BCAS3: variants seen among roughly 807,000 people sequenced by gnomAD.
BCAS3 encodes BCAS4/BCAS3 fusion.
A neutral mutation model predicts 116.1 loss-of-function variants in BCAS3; 53 were observed. The observed-to-expected ratio is 0.46, with a 90% CI of 0.37 to 0.57. The LOEUF (loss-of-function observed/expected upper bound fraction) is 0.57. BCAS3 is among the 20% of genes least tolerant of loss of function. BCAS3 has a pLI of 0.00. For missense variants in BCAS3, 917 were observed against 1,165.4 expected, an observed-to-expected ratio of 0.79 and a Z score of 3.10; for synonymous variants, 391 against 408.2, an observed-to-expected ratio of 0.96 and a Z score of 0.51.
chr17:61,191,654 A>G (rs897069806), intron 22 of BCAS3, among the ~76,000 whole-genome samples: 4 of 152,018 alleles, frequency 2.6e-5, no homozygotes, highest in Non-Finnish European at 4.4e-5. Context: ...GGGCGCCTAT[A>G]GTCCCAGCTA....
At chr17:60,744,107 C>CT (rs2041831902) in intron 5 of BCAS3, among the ~76,000 whole-genome samples, 1 of 152,210 alleles carries the variant, frequency 6.6e-6, no homozygotes, top group Non-Finnish European at 1.5e-5. Context: ...GTTGGAGAGG[C>CT]TTTCTCCCTG....
At chr17:61,212,603 A>C (rs976087318) in intron 22 of BCAS3, among the ~76,000 whole-genome samples, 2 of 151,672 alleles carry the variant, frequency 1.3e-5, no homozygotes, top group Non-Finnish European at 2.9e-5. Flanking sequence ...TAACATATAC[A>C]TGTATAAAGA....
At chr17:61,057,205 G>A (rs1345671799) in intron 19 of BCAS3, among the ~76,000 whole-genome samples, 2 of 152,118 alleles carry the variant, frequency 1.3e-5, no homozygotes, top group African/African-American at 4.8e-5. Flanking sequence ...GTGTTAAAAG[G>A]TGTGTTCTAC....
At chr17:60,849,879 A>G (rs1028461469) in intron 7 of BCAS3, among the ~76,000 whole-genome samples, 1 of 151,906 alleles carries the variant, frequency 6.6e-6, no homozygotes, top group Admixed American at 6.6e-5. Flanking sequence ...TTCTGCCTCA[A>G]CCTCCCAAGT....
At position 60,747,252 on chromosome 17, in the gene BCAS3, G is replaced by T. The variant is rs2042084577; in HGVS notation, c.376G>T (p.Ala126Ser). The T allele has an allele frequency of 6.2e-7, 1 of 1,613,160 alleles. No homozygotes were observed. The highest frequency in any genetic ancestry group is 8.5e-7 in the Non-Finnish European group (1 of 1,179,230). The change falls in exon 6 of 24, where the codon GCT becomes TCT. Residue 126 changes from alanine (A) to serine (S), a missense_variant. Around this residue, in one of 3 missense-constraint regions of BCAS3, gnomAD observed 807 missense variants for 1,026.0 expected, o/e 0.79. Coordinates refer to ENST00000407086, the MANE Select transcript of BCAS3 (RefSeq NM_017679.5). ...TGTTCGACATGGCCCAATTCGAGCG[G>T]CTAGAATCTTGCCTGCTCCACAGTT... ...FSVRHGPIRA[A>S]RILPAPQFGA...
intron 22 of BCAS3, among the ~76,000 whole-genome samples, chr17:61,116,768 G>C (rs2075486892): frequency 6.6e-6 from 1 of 152,104 alleles, no homozygotes; most frequent in Non-Finnish European, 1.5e-5. Flanking sequence ...TAGGATTCAA[G>C]GTTCATAGTT....
chr17:61,083,598 T>A lies in BCAS3; in HGVS notation c.2328-869T>A, dbSNP rs981710784. On this transcript the variant is annotated intron_variant, in intron 21 of 23. Transcript: ENST00000407086. The surrounding 1 kb of genome is among the most constrained non-coding windows in gnomAD (Gnocchi z 4.9). ...TTTGGCATTTATATGTTTATTATTC[T>A]TTTTTTTTTTTTTTTGAGACGGAGT... 1.7e-5 allele frequency among the ~76,000 whole-genome samples: 2 copies of A among 117,924 alleles called. No individual in the cohort carries two copies. The highest frequency in any genetic ancestry group is 1.1e-4 in the African/African-American group (2 of 17,728). The allele number at this position is 117,924 out of a possible 152,430, so 77.4% of individuals were successfully genotyped here.
intron 9 of BCAS3, among the ~76,000 whole-genome samples, chr17:60,888,234 T>C (rs933886296): frequency 6.6e-6 from 1 of 152,192 alleles, no homozygotes; most frequent in African/African-American, 2.4e-5. Flanking sequence ...AAAAATGAAA[T>C]GAAGAATTGT....
intron 6 of BCAS3, among the ~76,000 whole-genome samples, chr17:60,768,476 C>T (rs763278464): frequency 1.3e-5 from 2 of 152,182 alleles, no homozygotes; most frequent in African/African-American, 4.8e-5. Flanking sequence ...TTCCTGCTGT[C>T]GAACATCGGA....
intron 5 of BCAS3, among the ~76,000 whole-genome samples, chr17:60,723,160 A>G (rs2039433187): frequency 6.6e-6 from 1 of 152,012 alleles, no homozygotes; most frequent in South Asian, 2.1e-4. Context: ...ATTTTGCCTT[A>G]TTTGCTTTGT....
intron 12 of BCAS3, among the ~76,000 whole-genome samples, chr17:60,920,653 G>A (rs559370253): frequency 2.0e-5 from 3 of 152,008 alleles, no homozygotes; most frequent in African/African-American, 4.8e-5. Flanking sequence ...GGCAGATCAC[G>A]AGGTCGGGAG....
chr17:61,268,342 G>A (rs965201654), intron 22 of BCAS3, among the ~76,000 whole-genome samples: 2 of 151,714 alleles, frequency 1.3e-5, no homozygotes, highest in African/African-American at 4.8e-5. Flanking sequence ...CACTACCACC[G>A]ACCCCCACCA....
intron 5 of BCAS3, among the ~76,000 whole-genome samples, chr17:60,740,498 CA>C (rs774901641): frequency 3.2e-3 from 187 of 58,338 alleles, no homozygotes; most frequent in Non-Finnish European, 3.4e-3. Context: ...GACCCTGTCT[CA>C]AAAAAAAAAA....
chr17:60,790,012 AT>A (rs2046622128), intron 6 of BCAS3, among the ~76,000 whole-genome samples: 1 of 151,932 alleles, frequency 6.6e-6, no homozygotes, highest in African/African-American at 2.4e-5. Flanking sequence ...GTATTTGTTT[AT>A]TGTAGATTGT....
At chr17:60,945,332 C>T (rs1187617216) in intron 13 of BCAS3, among the ~76,000 whole-genome samples, 1 of 152,104 alleles carries the variant, frequency 6.6e-6, no homozygotes, top group African/African-American at 2.4e-5. Flanking sequence ...TAATTTATTA[C>T]ACTCAATACA....
rs2065165064 is a variant in BCAS3, at chr17:61,012,303, T to C, written c.1487-3448T>C. Among the ~76,000 whole-genome samples the C allele has an allele frequency of 6.6e-6, 1 of 152,090 alleles. No individual in the cohort carries two copies. Among genetic ancestry groups the C allele is most frequent in the African/African-American group, 2.4e-5 (1 of 41,446 alleles). ...ACAGAGCAAAGATTGAGTGGAACTTTTGCTTGGCGCAGTATGCATCTTTGT... is the reference window on the plus strand; with the variant it reads ...ACAGAGCAAAGATTGAGTGGAACTTCTGCTTGGCGCAGTATGCATCTTTGT... On this transcript the variant is annotated intron_variant, in intron 15 of 23. Coordinates refer to ENST00000407086, the MANE Select transcript of BCAS3 (RefSeq NM_017679.5). This position sits in a 1 kb window ranked among gnomAD's most constrained non-coding sequence, Gnocchi z 4.5.
intron 7 of BCAS3, among the ~76,000 whole-genome samples, chr17:60,829,982 T>A (rs1487912880): frequency 6.6e-6 from 1 of 152,110 alleles, no homozygotes; most frequent in Non-Finnish European, 1.5e-5. Flanking sequence ...GAGCACTTTT[T>A]AAAAATTTGT....
At chr17:60,881,241 TG>T (rs1438873331) in intron 9 of BCAS3, among the ~76,000 whole-genome samples, 2 of 152,220 alleles carry the variant, frequency 1.3e-5, no homozygotes, top group African/African-American at 4.8e-5. Flanking sequence ...CCCAAAGTGC[TG>T]GGATTACAGG....
chr17:60,699,060 A>G (rs1466366772), intron 4 of BCAS3, among the ~76,000 whole-genome samples: 1 of 152,232 alleles, frequency 6.6e-6, no homozygotes, highest in African/African-American at 2.4e-5. Flanking sequence ...TCCGTCTCAA[A>G]GAAAACAAAA....
Sources: gnomAD v4.1 joint callset for allele counts (sites outside exome capture counted in the v4.1 genomes callset) on GRCh38, gnomAD v4.1.1 for gene constraint, gnomAD v4.1.1 regional missense constraint, Gnocchi (gnomAD v3.1) non-coding constraint, MANE v1.5 for transcripts, NCBI Gene and HGNC (gene_info 2026-07-23, HGNC 2026-07-21) for gene names.